The following OR56B2 variants were observed in gnomAD, a reference collection of about 807,000 sequenced individuals.
The protein encoded by OR56B2 is olfactory receptor 56B2.
chr11:5,768,763 C>T, the OR56B2 span, among the ~76,000 whole-genome samples: 1 of 139,628 alleles, frequency 7.2e-6, no homozygotes, highest in African/African-American at 2.6e-5. Context: ...ACATAGATGT[C>T]TGAGAACAGG....
the OR56B2 span, among the ~76,000 whole-genome samples, chr11:5,768,029 C>A: frequency 7.2e-6 from 1 of 138,254 alleles, no homozygotes. Context: ...TGAAAGTCAC[C>A]CAATTGTACG....
At chr11:5,764,341 C>T in the OR56B2 span, among the ~76,000 whole-genome samples, 1 of 140,752 alleles carries the variant, frequency 7.1e-6, no homozygotes, top group Non-Finnish European at 1.6e-5. Flanking sequence ...AACTTCTACG[C>T]CAGTCATCAT....
At chr11:5,761,284 G>T in the OR56B2 span, 1 of 152,124 alleles carries the variant, frequency 6.6e-6, no homozygotes, top group Non-Finnish European at 1.5e-5. Flanking sequence ...TAATCTTCGC[G>T]GAGATTTGGG....
At chr11:5,768,778 T>C in the OR56B2 span, among the ~76,000 whole-genome samples, 2 of 140,170 alleles carry the variant, frequency 1.4e-5, no homozygotes, top group African/African-American at 5.2e-5. Flanking sequence ...AACAGGAAAA[T>C]ACTTAAGGAA....
At chr11:5,763,157 G>A in the OR56B2 span, among the ~76,000 whole-genome samples, 1 of 151,944 alleles carries the variant, frequency 6.6e-6, no homozygotes, top group Non-Finnish European at 1.5e-5. Context: ...GTTTACAGAT[G>A]CATATGAATT....
chr11:5,765,103 T>C, the OR56B2 span: 3 of 146,662 alleles, frequency 2.0e-5, no homozygotes, highest in Admixed American at 2.2e-4. Flanking sequence ...CCCTTAGTGG[T>C]GCTCCAGGAG....
chr11:5,762,718 C>A, the OR56B2 span, among the ~76,000 whole-genome samples: 25,716 of 151,812 alleles, frequency 0.17, 2,321 homozygotes, highest in East Asian at 0.25. Context: ...CACTGAACAT[C>A]TGTACATTTA....
At chr11:5,765,772 A>G in the OR56B2 span, 3 of 140,478 alleles carry the variant, frequency 2.1e-5, no homozygotes, top group Non-Finnish European at 4.7e-5. Flanking sequence ...ATTTTATCAT[A>G]TGCTCTAATA....
At chr11:5,763,018 T>C in the OR56B2 span, among the ~76,000 whole-genome samples, 15 of 152,052 alleles carry the variant, frequency 9.9e-5, no homozygotes, top group African/African-American at 3.6e-4. Flanking sequence ...GGTTTTCTTA[T>C]CTAAGAATAC....
At chr11:5,763,503 G>A in the OR56B2 span, among the ~76,000 whole-genome samples, 4 of 139,292 alleles carry the variant, frequency 2.9e-5, no homozygotes, top group African/African-American at 7.9e-5. Flanking sequence ...CAGTAGGGAC[G>A]GAGTTTCACC....
the OR56B2 span, chr11:5,766,640 A>G: frequency 7.2e-6 from 1 of 138,164 alleles, no homozygotes; most frequent in Non-Finnish European, 1.6e-5. Flanking sequence ...ACACCCCTTT[A>G]CCCCCTATAT....
chr11:5,764,497 C>T, the OR56B2 span, among the ~76,000 whole-genome samples: 125 of 141,090 alleles, frequency 8.9e-4, 16 homozygotes, highest in African/African-American at 3.2e-3. Flanking sequence ...AATTTATACA[C>T]GTTATTAGAA....
chr11:5,763,463 G>A, the OR56B2 span, among the ~76,000 whole-genome samples: 3 of 139,018 alleles, frequency 2.2e-5, no homozygotes, highest in East Asian at 2.1e-4. Flanking sequence ...ACAGGCACAC[G>A]CCACCATGCC....
the OR56B2 span, among the ~76,000 whole-genome samples, chr11:5,764,309 G>C: frequency 7.1e-6 from 1 of 140,994 alleles, no homozygotes; most frequent in Non-Finnish European, 1.6e-5. Flanking sequence ...ATGTTTGTGT[G>C]TGCATGTGCG....
At chr11:5,763,746 G>T in the OR56B2 span, among the ~76,000 whole-genome samples, 1 of 140,252 alleles carries the variant, frequency 7.1e-6, no homozygotes, top group African/African-American at 2.6e-5. Context: ...CTTATTAAGT[G>T]TCTGTCTCTT....
At chr11:5,762,141 A>T in the OR56B2 span, among the ~76,000 whole-genome samples, 1 of 152,116 alleles carries the variant, frequency 6.6e-6, no homozygotes, top group Non-Finnish European at 1.5e-5. Context: ...TAAAAGATTT[A>T]TCTTAAATTT....
the OR56B2 span, among the ~76,000 whole-genome samples, chr11:5,768,038 C>T: frequency 0.61 from 83,222 of 136,992 alleles, 32,067 homozygotes; most frequent in Non-Finnish European, 0.73. Context: ...CCCAATTGTA[C>T]GTTTTCTTTT....
chr11:5,764,411 A>G, the OR56B2 span, among the ~76,000 whole-genome samples: 2 of 140,912 alleles, frequency 1.4e-5, 1 homozygote, highest in Non-Finnish European at 3.1e-5. Flanking sequence ...GAAATAAGTA[A>G]CACAAAACTA....
chr11:5,766,623 C>T, the OR56B2 span: 2 of 139,738 alleles, frequency 1.4e-5, no homozygotes, highest in East Asian at 2.1e-4. Context: ...ATCAAAACCA[C>T]AATAACACAC....
Sources: allele counts gnomAD v4.1 joint callset (sites outside exome capture counted in the v4.1 genomes callset), GRCh38; gene constraint gnomAD v4.1.1; transcripts MANE v1.5; gene names NCBI Gene and HGNC (gene_info 2026-07-23, HGNC 2026-07-21).